ADAMTS17: variants seen among roughly 807,000 people sequenced by gnomAD.
ADAMTS17 encodes ADAM metallopeptidase with thrombospondin type 1 motif 17, also known as A disintegrin and metalloproteinase with thrombospondin motifs 17.
ADAMTS17 carries 113 observed loss-of-function variants against 141.5 expected under a neutral mutation model. The observed-to-expected ratio is 0.80, with a 90% confidence interval of 0.69 to 0.93. ADAMTS17 has a LOEUF of 0.93. Among genes scored for constraint, ADAMTS17 ranks in the 40% least tolerant of loss-of-function variants. The pLI, the probability that ADAMTS17 is intolerant of heterozygous loss-of-function variation, is 0.00. For missense variants in ADAMTS17, 1,659 were observed against 1,517.9 expected (o/e 1.09, Z -1.54); for synonymous variants, 768 against 630.6 (o/e 1.22, Z -3.27).
chr15:100,259,823 T>C (rs970170689), intron 6 of ADAMTS17, among the ~76,000 whole-genome samples: 4 of 152,210 alleles, frequency 2.6e-5, no homozygotes, highest in Admixed American at 1.3e-4. Context: ...GGTGGTGGCA[T>C]TGTGTCTATT....
intron 15 of ADAMTS17, among the ~76,000 whole-genome samples, chr15:100,081,814 C>T (rs1360460695): frequency 1.3e-5 from 2 of 152,216 alleles, no homozygotes; most frequent in Non-Finnish European, 2.9e-5. Context: ...TCCCTGATAA[C>T]CAACAAGGCT....
chr15:100,331,620 A>C (rs1242844095), intron 2 of ADAMTS17, among the ~76,000 whole-genome samples: 2 of 152,068 alleles, frequency 1.3e-5, no homozygotes, highest in Non-Finnish European at 2.9e-5. Context: ...CCAGGGGAGG[A>C]CCTGGTTTGA....
intron 3 of ADAMTS17, among the ~76,000 whole-genome samples, chr15:100,321,081 T>C (rs1377668539): frequency 1.6e-5 from 2 of 128,128 alleles, no homozygotes; most frequent in Admixed American, 8.5e-5. Context: ...AATTAACAGA[T>C]AAAAATAACG....
At chr15:100,162,502 TTA>T (rs1439929120) in intron 8 of ADAMTS17, among the ~76,000 whole-genome samples, 10 of 114,728 alleles carry the variant, frequency 8.7e-5, no homozygotes, top group Non-Finnish European at 1.6e-4. Flanking sequence ...CATATACACA[TTA>T]TATGTGTATA....
chr15:100,226,962 C>T (rs1022305749), intron 7 of ADAMTS17, among the ~76,000 whole-genome samples: 1 of 152,076 alleles, frequency 6.6e-6, no homozygotes, highest in Non-Finnish European at 1.5e-5. Context: ...AATTAAGTGA[C>T]AAATATATGA....
intron 8 of ADAMTS17, among the ~76,000 whole-genome samples, chr15:100,182,718 AG>A (rs1419582719): frequency 2.0e-5 from 3 of 152,274 alleles, no homozygotes; most frequent in African/African-American, 7.2e-5. Flanking sequence ...GGGTGGTGGC[AG>A]GGGGTGACAA....
intron 3 of ADAMTS17, among the ~76,000 whole-genome samples, chr15:100,283,056 A>G (rs2044335706): frequency 7.1e-6 from 1 of 141,308 alleles, no homozygotes; most frequent in Non-Finnish European, 1.5e-5. Flanking sequence ...ACTGTATTTT[A>G]AAGAAATATC....
intron 10 of ADAMTS17, among the ~76,000 whole-genome samples, chr15:100,141,491 C>T (rs72755205): frequency 0.019 from 2,938 of 152,280 alleles, 54 homozygotes; most frequent in Middle Eastern, 0.041. Flanking sequence ...AGAAAATCAA[C>T]GCTAAGAGCT....
At chr15:100,250,798 T>C (rs1182395880) in intron 7 of ADAMTS17, among the ~76,000 whole-genome samples, 1 of 152,180 alleles carries the variant, frequency 6.6e-6, no homozygotes, top group Non-Finnish European at 1.5e-5. Context: ...TGCAGTTATG[T>C]CAGATGTTAC....
Position 100,341,218 on chromosome 15 carries a change from C to T in ADAMTS17, c.271G>A (p.Asp91Asn). The T allele has an allele frequency of 6.9e-7, 1 of 1,441,848 alleles. No individual in the cohort carries two copies. Among genetic ancestry groups the T allele is most frequent in the East Asian group, 3.2e-5 (1 of 31,468 alleles). The allele number at this position is 1,441,848 out of a possible 1,614,324, so 89.3% of individuals were successfully genotyped here. A position where few individuals can be genotyped will look rare whatever the true frequency, so the allele number is the denominator to read the frequency against. The change falls in exon 2 of 22, where the codon GAC becomes AAC. Residue 91 changes from aspartate to asparagine, a missense_variant. Physicochemically the swap from Asp to Asn is conservative, Grantham distance 23. Transcript: ENST00000268070. ...TCGCGGCGCAGCTGAAGGTACAGGTCGCGCCCGAAGGCCGGCAGGTGCAGC... is the reference window on the plus strand; with the variant it reads ...TCGCGGCGCAGCTGAAGGTACAGGTTGCGCCCGAAGGCCGGCAGGTGCAGC... Reference protein sequence around the residue: ...LLLHLPAFGRDLYLQLRRDLR... With the variant: ...LLLHLPAFGRNLYLQLRRDLR...
intron 14 of ADAMTS17, among the ~76,000 whole-genome samples, chr15:100,108,339 T>C (rs535335953): frequency 6.6e-6 from 1 of 152,190 alleles, no homozygotes; most frequent in South Asian, 2.1e-4. Flanking sequence ...GCCCGGCTAA[T>C]TTATGTTTGT....
rs112934120 is a variant in ADAMTS17 at position 99,990,413 on chromosome 15, C to T, written c.2949+2635G>A. Among the ~76,000 whole-genome samples the T allele has an allele frequency of 3.2e-3, 488 of 152,274 alleles. 3 individuals carry two copies. The highest frequency in any genetic ancestry group is 0.011 in the African/African-American group (461 of 41,550). On this transcript the variant is annotated intron_variant, in intron 20 of 21. Coordinates refer to ENST00000268070, the MANE Select transcript of ADAMTS17 (RefSeq NM_139057.4). Reference sequence around the variant, plus strand: ...AAAGATACATCCTGGCAGCTCCATACTAAGCTTTATTAACATCCAAGTAAC... The same window carrying T: ...AAAGATACATCCTGGCAGCTCCATATTAAGCTTTATTAACATCCAAGTAAC...
intron 15 of ADAMTS17, among the ~76,000 whole-genome samples, chr15:100,091,846 T>G (rs187757776): frequency 6.6e-6 from 1 of 152,210 alleles, no homozygotes; most frequent in African/African-American, 2.4e-5. Flanking sequence ...TATTTTTCTC[T>G]TCTTACAAAA....
rs191846575 is a variant in ADAMTS17, at chr15:100,325,556, G to A, written c.616+5333C>T. Among the ~76,000 whole-genome samples the A allele has an allele frequency of 1.7e-4, 26 of 152,214 alleles. No individual in the cohort carries two copies. In the East Asian group the frequency reaches 3.5e-3, roughly 20 times the overall value. On this transcript the variant is annotated intron_variant, in intron 3 of 21. Coordinates refer to ENST00000268070, the MANE Select transcript of ADAMTS17 (RefSeq NM_139057.4). Reference sequence around the variant, plus strand: ...GAGGTGGAGCCTAGTGGGAGGTGGCGGATCCCTCATGAATGGCTTAGTGCC... The same window carrying A: ...GAGGTGGAGCCTAGTGGGAGGTGGCAGATCCCTCATGAATGGCTTAGTGCC...
intron 7 of ADAMTS17, among the ~76,000 whole-genome samples, chr15:100,204,995 G>T (rs1445432457): frequency 6.6e-6 from 1 of 152,164 alleles, no homozygotes; most frequent in African/African-American, 2.4e-5. Context: ...TTTGTGTGTT[G>T]TAACGCCATG....
chr15:99,999,901 G>A (rs1306771702), intron 18 of ADAMTS17, among the ~76,000 whole-genome samples: 1 of 152,156 alleles, frequency 6.6e-6, no homozygotes, highest in South Asian at 2.1e-4. Flanking sequence ...CACCTCCTCT[G>A]GAGCTAAGTT....
At chr15:100,053,806 G>A (rs990444634) in intron 16 of ADAMTS17, 91 bp downstream of exon 16, 37 of 1,595,808 alleles carry the variant, frequency 2.3e-5, no homozygotes, top group East Asian at 8.9e-5. Context: ...TCCTGCCCCC[G>A]AGGTCCCAGG....
intron 15 of ADAMTS17, among the ~76,000 whole-genome samples, chr15:100,059,565 G>A (rs1388749943): frequency 3.3e-5 from 5 of 152,178 alleles, no homozygotes; most frequent in African/African-American, 1.2e-4. Context: ...TCAGAAGTTC[G>A]CGCCTGACAT....
At chr15:100,072,935 G>C (rs905930516) in intron 15 of ADAMTS17, among the ~76,000 whole-genome samples, 3 of 152,122 alleles carry the variant, frequency 2.0e-5, no homozygotes, top group East Asian at 3.9e-4. Context: ...TTAAAGTATA[G>C]GGCTTCTGCA....
Sources: allele counts gnomAD v4.1 joint callset (sites outside exome capture counted in the v4.1 genomes callset), GRCh38; gene constraint gnomAD v4.1.1; transcripts MANE v1.5; gene names NCBI Gene and HGNC (gene_info 2026-07-23, HGNC 2026-07-21).